Variants in CACNA1G observed in about 807,000 individuals in gnomAD.
CACNA1G encodes calcium voltage-gated channel subunit alpha1 G, also known as voltage-dependent T-type calcium channel subunit alpha-1G.
A neutral mutation model predicts 219.4 loss-of-function variants in CACNA1G; 67 were observed. The observed-to-expected ratio is 0.31, with a 90% confidence interval of 0.25 to 0.37. The LOEUF is 0.37. Among genes scored for constraint, CACNA1G ranks in the 10% least tolerant of loss-of-function variants. The pLI, the probability that CACNA1G is intolerant of heterozygous loss-of-function variation, is 1.00. For missense variants in CACNA1G, 2,380 were observed against 3,231.4 expected (o/e 0.74, Z 6.39); for synonymous variants, 1,296 against 1,345.3 (o/e 0.96, Z 0.80).
chr17:50,569,051 T>C, intron 2 of CACNA1G, 70 bp downstream of exon 2: 1 of 1,524,664 alleles, frequency 6.6e-7, no homozygotes, highest in African/African-American at 1.4e-5. Context: ...TTAATCTTAA[T>C]ACCCTCTACT....
In CACNA1G at chr17:50,585,875, A is replaced by G. The variant is rs535006800; in HGVS notation, c.2302-4596A>G. ...GTGGGTGGGAGCAGCAGGCAGGCCC[A>G]TCAGAAGCAGAGGTGAGGTGAGCTG... On this transcript the variant is annotated intron_variant, in intron 9 of 37. Coordinates refer to ENST00000359106, the MANE Select transcript of CACNA1G (RefSeq NM_018896.5). 1.8e-3 allele frequency among the ~76,000 whole-genome samples: 279 copies of G among 152,310 alleles called. 1 individual carries two copies. Among genetic ancestry groups the G allele is most frequent in the Non-Finnish European group, 3.3e-3 (222 of 68,030 alleles).
rs1342544988 is a variant in CACNA1G at position 50,561,001 on chromosome 17, C to A, written c.-459C>A. ...CCCGCCGCCTGGCGCGGAGCCGGGACGATGCTGACCCCTTAGATCCGGCTC... is the reference window on the plus strand; with the variant it reads ...CCCGCCGCCTGGCGCGGAGCCGGGAAGATGCTGACCCCTTAGATCCGGCTC... On this transcript the variant is annotated 5_prime_UTR_variant, in exon 1 of 38. Coordinates refer to ENST00000359106, the MANE Select transcript of CACNA1G (RefSeq NM_018896.5). The A allele has an allele frequency of 1.1e-5, 3 of 275,084 alleles. No individual in the cohort carries two copies. Among genetic ancestry groups the A allele is most frequent in the East Asian group, 3.0e-4 (2 of 6,572 alleles). 17.0% of individuals were successfully genotyped at this position (275,084 alleles called of 1,614,324 possible).
chr17:50,584,771 G>A (rs1351928704), intron 9 of CACNA1G, among the ~76,000 whole-genome samples: 1 of 152,038 alleles, frequency 6.6e-6, no homozygotes, highest in Non-Finnish European at 1.5e-5. Context: ...GCAACGAGGG[G>A]CCAGGTGGGG....
Position 50,618,870 on chromosome 17 carries a change from G to A in CACNA1G, c.5643G>A (p.Gln1881=), listed in dbSNP as rs761232582. The change falls in exon 33 of 38, where the codon CAG becomes CAA. Residue 1881 remains glutamine, a synonymous_variant. Coordinates refer to ENST00000359106, the MANE Select transcript of CACNA1G (RefSeq NM_018896.5). The surrounding 1 kb of genome is among the most constrained non-coding windows in gnomAD (Gnocchi z 5.3). The stretch of plus-strand genomic sequence containing the variant: ...TGGAGATGAAGACCCTCAGCCCCCA[G>A]CCCCACTCGCCACTGGGCAGCCCCT... ...LELEMKTLSP[Q]PHSPLGSPFL... 5 of 1,612,688 alleles carry A rather than the reference G, an allele frequency of 3.1e-6. No individual in the cohort carries two copies. The South Asian group carries it at 5.5e-5, about 18-fold the overall frequency.
chr17:50,568,819 G>A (rs561026427), intron 1 of CACNA1G, 51 bp from the exon 2 acceptor site: 574 of 1,468,228 alleles, frequency 3.9e-4, no homozygotes, highest in Admixed American at 6.7e-4. Context: ...CGGGGTCGGG[G>A]GGCCGGCCTC....
At chr17:50,607,514 T>C in intron 24 of CACNA1G, 1 of 325,272 alleles carries the variant, frequency 3.1e-6, no homozygotes, top group Middle Eastern at 9.5e-4. Context: ...AAAATAATGG[T>C]GAGTTTTACA....
chr17:50,589,912 C>CTGTGTGTGTGTGTGTGTGTGTGTG (rs58484176), intron 9 of CACNA1G, among the ~76,000 whole-genome samples: 1 of 141,836 alleles, frequency 7.1e-6, no homozygotes, highest in African/African-American at 2.8e-5. Context: ...CTCTCTCTCT[C>CTGTGTGTGTGTGTGTGTGTGTGTG]TGTGTGTGTG....
chr17:50,595,040 G>C lies in CACNA1G; in HGVS notation c.2958G>C (p.Gln986His). 1 of 1,553,658 alleles carries C rather than the reference G, an allele frequency of 6.4e-7. No individual in the cohort carries two copies. The highest frequency in any genetic ancestry group is 8.7e-7 in the Non-Finnish European group (1 of 1,148,128). ...CGAGTGGACAGTTAAGCTGTATTCA[G>C]CTGCCTGTCGACTCCCAGGGGGTAG... ...EDASGQLSCIQLPVDSQGGDA... is the reference protein window; with the variant it reads ...EDASGQLSCIHLPVDSQGGDA... Residue 986 changes from glutamine (Q) to histidine (H), a missense_variant, in exon 14 of 38, where the codon CAG (glutamine) becomes CAC (histidine). Gln to His is a conservative substitution (Grantham distance 24). Transcript: ENST00000359106.
intron 35 of CACNA1G, among the ~76,000 whole-genome samples, chr17:50,622,444 C>T (rs553590222): frequency 7.9e-5 from 12 of 152,244 alleles, no homozygotes; most frequent in Non-Finnish European, 1.2e-4. Context: ...CTGTTCCCCT[C>T]CTGTTGTCAG....
chr17:50,588,490 T>TG, intron 9 of CACNA1G, among the ~76,000 whole-genome samples: 1 of 151,996 alleles, frequency 6.6e-6, no homozygotes, highest in Admixed American at 6.5e-5. Flanking sequence ...AAGTACAGAG[T>TG]GGGGGGATCC....
rs898680028 is a variant in CACNA1G at position 50,618,177 on chromosome 17, C to T, written c.5306-45C>T. The stretch of plus-strand genomic sequence containing the variant: ...GGAGCCAGGGCTGGAGACCAGGGGG[C>T]TCCTGGACTAACATGGGCCTCTCCC... On this transcript the variant is annotated intron_variant, in intron 31 of 37. Coordinates refer to ENST00000359106, the MANE Select transcript of CACNA1G (RefSeq NM_018896.5). This position sits in a 1 kb window ranked among gnomAD's most constrained non-coding sequence, Gnocchi z 5.3. 1.9e-6 allele frequency: 3 copies of T among 1,612,706 alleles called. No individual in the cohort carries two copies. Among genetic ancestry groups the T allele is most frequent in the Non-Finnish European group, 2.5e-6 (3 of 1,179,084 alleles).
At position 50,593,371 on chromosome 17, in the gene CACNA1G, C is replaced by T. The variant is rs536355279; in HGVS notation, c.2910+1279C>T. ...GCCACGGTTCCCTCAGAAAAATTCC[C>T]GTGCAACTCTGTGGAGGGAAATGGA... is the stretch of plus-strand genomic sequence containing the variant. On this transcript the variant is annotated intron_variant, in intron 13 of 37. Coordinates refer to ENST00000359106, the MANE Select transcript of CACNA1G (RefSeq NM_018896.5). Among the ~76,000 whole-genome samples, 18 of 152,368 alleles carry T rather than the reference C, an allele frequency of 1.2e-4. No homozygotes were observed. The South Asian group carries it at 2.5e-3, about 21-fold the overall frequency.
chr17:50,569,999 C>T (rs910558190), intron 4 of CACNA1G, among the ~76,000 whole-genome samples, 196 bp downstream of exon 4: 3 of 152,168 alleles, frequency 2.0e-5, no homozygotes, highest in Non-Finnish European at 2.9e-5. Flanking sequence ...CCTGGGAAAA[C>T]CCCACCTCAT....
At position 50,621,862 on chromosome 17, in the gene CACNA1G, C is replaced by A; in HGVS notation, c.6060+68C>A. The A allele has an allele frequency of 1.3e-6, 2 of 1,583,760 alleles. No individual in the cohort carries two copies. The highest frequency in any genetic ancestry group is 1.7e-6 in the Non-Finnish European group (2 of 1,161,686). ...CTGGACTGGCTGCAGGGCTCCAGAT[C>A]GGCCCAGGGAGGGTCCTGGGGCCGC... On this transcript the variant is annotated intron_variant, in intron 35 of 37. Transcript: ENST00000359106. This position sits in a 1 kb window ranked among gnomAD's most constrained non-coding sequence, Gnocchi z 4.6.
In CACNA1G at chr17:50,578,176, C is replaced by T; in HGVS notation, c.1925-12C>T. On this transcript the variant is annotated splice_polypyrimidine_tract_variant and intron_variant, in intron 8 of 37. Transcript: ENST00000359106. This position sits in a 1 kb window ranked among gnomAD's most constrained non-coding sequence, Gnocchi z 4.5. Reference sequence around the variant, plus strand: ...GACTCTGGAGCCTCTCACCTCTACTCTCCTGTTCCAGGTGCCTGCCAAAGC... The same window carrying T: ...GACTCTGGAGCCTCTCACCTCTACTTTCCTGTTCCAGGTGCCTGCCAAAGC... 6.4e-7 allele frequency: 1 copy of T among 1,554,748 alleles called. No individual in the cohort carries two copies. Among genetic ancestry groups the T allele is most frequent in the Non-Finnish European group, 8.7e-7 (1 of 1,150,362 alleles).
chr17:50,613,072 G>A lies in CACNA1G; in HGVS notation c.4760-2289G>A, dbSNP rs757691900. The stretch of plus-strand genomic sequence containing the variant: ...AGGCCTTTGGGCAGACCATCCAGGG[G>A]TGTCCTCTGGGCCAAGGCCTCAAAG... On this transcript the variant is annotated intron_variant, in intron 26 of 37. Transcript: ENST00000359106. Among the ~76,000 whole-genome samples the A allele has an allele frequency of 2.2e-3, 341 of 152,358 alleles. 1 individual carries two copies. Among genetic ancestry groups the A allele is most frequent in the Non-Finnish European group, 3.9e-3 (265 of 68,032 alleles).
At position 50,621,786 on chromosome 17, in the gene CACNA1G, G is replaced by A. The variant is rs373275282; in HGVS notation, c.6052G>A (p.Glu2018Lys). 1 of 1,613,762 alleles carries A rather than the reference G, an allele frequency of 6.2e-7. No individual in the cohort carries two copies. ...GCACACACTCTTACTTAGTGCCCTGGAGAGCAATGTACATACACACTGCCC... is the reference window on the plus strand; with the variant it reads ...GCACACACTCTTACTTAGTGCCCTGAAGAGCAATGTACATACACACTGCCC... ...DMHTLLLSAL[E>K]SNMQPHPTEL... The change falls in exon 35 of 38, where the codon GAG (glutamate) becomes AAG (lysine). Residue 2018 changes from glutamate (E) to lysine (K), a missense_variant. Glu to Lys is a moderately conservative substitution (Grantham distance 56). Around this residue, in one of 17 missense-constraint regions of CACNA1G, gnomAD observed 672 missense variants for 670.5 expected, o/e 1.00. Transcript: ENST00000359106. The surrounding 1 kb of genome is among the most constrained non-coding windows in gnomAD (Gnocchi z 4.6).
chr17:50,626,002 C>A lies in CACNA1G; in HGVS notation c.6400-15C>A. The A allele has an allele frequency of 6.3e-7, 1 of 1,589,134 alleles. No homozygotes were observed. Among genetic ancestry groups the A allele is most frequent in the Non-Finnish European group, 8.6e-7 (1 of 1,163,904 alleles). On this transcript the variant is annotated splice_polypyrimidine_tract_variant and intron_variant, in intron 37 of 37. Transcript: ENST00000359106. The surrounding 1 kb of genome is among the most constrained non-coding windows in gnomAD (Gnocchi z 4.3). ...GAGGAGACTGCTGGGCTGAGCCCTC[C>A]CCCACCCCATATAGGCAGCAATAAG...
rs766942945 is a variant in CACNA1G, at chr17:50,623,986, T to C, written c.6140T>C (p.Leu2047Pro). The C allele has an allele frequency of 6.2e-7, 1 of 1,613,328 alleles. No individual in the cohort carries two copies. The highest frequency in any genetic ancestry group is 8.5e-7 in the Non-Finnish European group (1 of 1,179,848). ...RKSGVSRTHS[L>P]PNDSYMCRHG... The stretch of plus-strand genomic sequence containing the variant: ...TCTGGGGTCAGCCGAACGCACTCTC[T>C]GCCCAATGACAGCTACATGTGTCGG... Residue 2047 changes from leucine to proline, a missense_variant, in exon 36 of 38, where the codon CTG becomes CCG. Physicochemically the swap from Leu to Pro is moderately conservative, Grantham distance 98 (BLOSUM62 -3). This residue lies in a region of CACNA1G where 672 missense variants were observed against 670.5 expected (regional missense o/e 1.00). Transcript: ENST00000359106.
Sources: allele counts gnomAD v4.1 joint callset (sites outside exome capture counted in the v4.1 genomes callset), GRCh38; gene constraint gnomAD v4.1.1; regional missense constraint gnomAD v4.1.1; non-coding constraint Gnocchi (gnomAD v3.1); transcripts MANE v1.5; gene names NCBI Gene and HGNC (gene_info 2026-07-23, HGNC 2026-07-21).